Variants in PLCH1 observed in about 807,000 individuals in gnomAD.
PLCH1 encodes phospholipase C eta 1.
In PLCH1, 60 loss-of-function variants were observed where a neutral mutation model predicts 126.7. The ratio of observed to expected loss-of-function variants is 0.47; its 90% CI spans 0.38 to 0.59. The LOEUF (loss-of-function observed/expected upper bound fraction) is 0.59, where lower values mean the gene tolerates loss of function less well. PLCH1 is among the 20% of genes least tolerant of loss of function. PLCH1 has a pLI of 0.00. For synonymous variants in PLCH1, 719 were observed against 734.9 expected (o/e 0.98, Z 0.35); for missense variants, 1,723 against 2,040.0 (o/e 0.84, Z 2.99).
chr3:155,586,298 A>C, intron 4 of PLCH1, 104 bp from the exon 5 acceptor site: 1 of 1,216,628 alleles, frequency 8.2e-7, no homozygotes, highest in South Asian at 1.4e-5. Context: ...GAACTTGAGA[A>C]GAAATTATTT....
chr3:155,543,053 G>A (rs1015143794), intron 10 of PLCH1, among the ~76,000 whole-genome samples: 2 of 152,236 alleles, frequency 1.3e-5, no homozygotes, highest in African/African-American at 4.8e-5. Context: ...ACTTTGCCGA[G>A]TTGAGAGAAC....
chr3:155,738,174 G>A (rs1032916551), intron 1 of PLCH1, among the ~76,000 whole-genome samples: 1 of 152,174 alleles, frequency 6.6e-6, no homozygotes, highest in Non-Finnish European at 1.5e-5. Flanking sequence ...GCAAAACCCA[G>A]AGAGCCCTCC....
At chr3:155,717,009 T>G (rs996672160) in intron 1 of PLCH1, among the ~76,000 whole-genome samples, 5 of 152,154 alleles carry the variant, frequency 3.3e-5, no homozygotes, top group Admixed American at 6.5e-5. Context: ...AAGAAAACAT[T>G]CTTGTTCCAA....
chr3:155,657,044 A>G (rs956295406), intron 2 of PLCH1, among the ~76,000 whole-genome samples: 1 of 149,938 alleles, frequency 6.7e-6, no homozygotes, highest in Non-Finnish European at 1.5e-5. Context: ...GAGTAACAAC[A>G]AGGACAAGTT....
At chr3:155,632,628 T>G (rs939771366) in intron 2 of PLCH1, among the ~76,000 whole-genome samples, 2 of 152,190 alleles carry the variant, frequency 1.3e-5, no homozygotes, top group African/African-American at 4.8e-5. Flanking sequence ...TGTTAAGAGC[T>G]CTGCTTAAAA....
At chr3:155,629,908 T>A (rs1484665690) in intron 2 of PLCH1, among the ~76,000 whole-genome samples, 1 of 152,380 alleles carries the variant, frequency 6.6e-6, no homozygotes, top group East Asian at 1.9e-4. Context: ...GCTATGTGTA[T>A]GCCTTACTCC....
chr3:155,701,510 G>A lies in PLCH1; in HGVS notation c.79+2636C>T, dbSNP rs141905443. 6.8e-3 allele frequency among the ~76,000 whole-genome samples: 1,028 copies of A among 152,222 alleles called. 6 individuals carry two copies. Among genetic ancestry groups the A allele is most frequent in the South Asian group, 0.022 (105 of 4,822 alleles). On this transcript the variant is annotated intron_variant, in intron 2 of 22. Coordinates refer to ENST00000460012, the MANE Select transcript of PLCH1 (RefSeq NM_014996.4). ...ATTCCAAAAGTCTATTATTCTGCACGGGAAATGGTTCTTTTCCATTTATGG... is the reference window on the plus strand; with the variant it reads ...ATTCCAAAAGTCTATTATTCTGCACAGGAAATGGTTCTTTTCCATTTATGG...
At chr3:155,493,373 A>G (rs1193158691) in intron 17 of PLCH1, among the ~76,000 whole-genome samples, 1 of 152,146 alleles carries the variant, frequency 6.6e-6, no homozygotes, top group Non-Finnish European at 1.5e-5. Context: ...GATCTAACAC[A>G]TTATCCTTTT....
intron 1 of PLCH1, among the ~76,000 whole-genome samples, chr3:155,715,808 T>C (rs1423166301): frequency 6.6e-6 from 1 of 151,984 alleles, no homozygotes; most frequent in Non-Finnish European, 1.5e-5. Context: ...TCTCACTGTG[T>C]TGCCCAAGCT....
intron 10 of PLCH1, among the ~76,000 whole-genome samples, chr3:155,537,201 C>CAAAAAAAAAAAAAAAAAAAA (rs1560128167): frequency 1.6e-4 from 21 of 132,108 alleles, no homozygotes; most frequent in African/African-American, 6.3e-4. Flanking sequence ...AAAAAAAAAA[C>CAAAAAAAAAAAAAAAAAAAA]CAAAAAAAAA....
intron 6 of PLCH1, among the ~76,000 whole-genome samples, chr3:155,579,784 A>C (rs1730422166): frequency 6.6e-6 from 1 of 152,176 alleles, no homozygotes; most frequent in African/African-American, 2.4e-5. Flanking sequence ...AGTGGCATTT[A>C]AATAGAATAG....
At chr3:155,535,984 G>A (rs527898957) in intron 10 of PLCH1, among the ~76,000 whole-genome samples, 1 of 152,316 alleles carries the variant, frequency 6.6e-6, no homozygotes, top group Non-Finnish European at 1.5e-5. Flanking sequence ...CCTGAAGACA[G>A]ATCACTTAAC....
At chr3:155,521,961 G>C (rs905215929) in intron 11 of PLCH1, among the ~76,000 whole-genome samples, 1 of 152,190 alleles carries the variant, frequency 6.6e-6, no homozygotes, top group African/African-American at 2.4e-5. Context: ...CCTGATGTGG[G>C]TTTCCAGAAA....
At chr3:155,598,569 A>G (rs1239983823) in intron 2 of PLCH1, among the ~76,000 whole-genome samples, 1 of 152,220 alleles carries the variant, frequency 6.6e-6, no homozygotes, top group Admixed American at 6.5e-5. Context: ...GACCTTAAAG[A>G]GTGTAAATTT....
In PLCH1 at chr3:155,709,295, C is replaced by T. The variant is rs781142533; in HGVS notation, c.-40-5031G>A. 2.6e-5 allele frequency among the ~76,000 whole-genome samples: 4 copies of T among 152,022 alleles called. No homozygotes were observed. The South Asian group carries it at 8.3e-4, about 32-fold the overall frequency. ...AGTTTTTAACTCATTTGGGTAATAC[C>T]AAGGAGGGTGACTGCTGGACTGTGT... is the stretch of plus-strand genomic sequence containing the variant. On this transcript the variant is annotated intron_variant, in intron 1 of 22. Coordinates refer to ENST00000460012, the MANE Select transcript of PLCH1 (RefSeq NM_014996.4).
intron 15 of PLCH1, among the ~76,000 whole-genome samples, chr3:155,495,466 A>C (rs1013665058): frequency 2.0e-5 from 3 of 152,348 alleles, no homozygotes; most frequent in African/African-American, 7.2e-5. Context: ...AACATGCTGG[A>C]AAAGACCAGC....
chr3:155,717,358 CA>C (rs1559960189), intron 1 of PLCH1, among the ~76,000 whole-genome samples: 1 of 152,210 alleles, frequency 6.6e-6, no homozygotes, highest in Non-Finnish European at 1.5e-5. Context: ...CTGGTGGGGA[CA>C]GTGTGTGGAA....
intron 2 of PLCH1, among the ~76,000 whole-genome samples, chr3:155,627,407 G>A (rs1482339472): frequency 6.6e-6 from 1 of 151,028 alleles, no homozygotes. Context: ...GAGGCAGGCC[G>A]ATCACGAGGT....
At chr3:155,600,743 G>A (rs1234032899) in intron 2 of PLCH1, among the ~76,000 whole-genome samples, 1 of 152,088 alleles carries the variant, frequency 6.6e-6, no homozygotes, top group Non-Finnish European at 1.5e-5. Context: ...TTGAAATTGT[G>A]ATATTTAAGC....
Sources: gnomAD v4.1 joint callset for allele counts (sites outside exome capture counted in the v4.1 genomes callset) on GRCh38, gnomAD v4.1.1 for gene constraint, MANE v1.5 for transcripts, NCBI Gene and HGNC (gene_info 2026-07-23, HGNC 2026-07-21) for gene names.